PPHLN1: variants seen among roughly 807,000 people sequenced by gnomAD.
PPHLN1 encodes periphilin-1.
Under a neutral mutation model 51.3 loss-of-function variants are expected in PPHLN1, and 29 were observed. That is an observed-to-expected ratio of 0.57 (90% CI 0.42 to 0.77). PPHLN1 has a LOEUF of 0.77. Ranked by LOEUF, PPHLN1 falls within the 30% of genes least tolerant of loss-of-function variation. The pLI is 0.00. For synonymous variants in PPHLN1, 147 were observed against 147.8 expected (o/e 0.99, Z 0.04); for missense variants, 436 against 438.4 (o/e 0.99, Z 0.05).
intron 9 of PPHLN1, among the ~76,000 whole-genome samples, chr12:42,425,005 A>AT (rs1305918170): frequency 1.3e-5 from 2 of 150,908 alleles, no homozygotes; most frequent in South Asian, 2.1e-4. Context: ...CCAATATAGA[A>AT]TTTTTTCCTC....
intron 5 of PPHLN1, among the ~76,000 whole-genome samples, chr12:42,377,026 C>T (rs190488888): frequency 3.3e-5 from 5 of 152,134 alleles, no homozygotes; most frequent in Admixed American, 6.5e-5. Flanking sequence ...TCCTGCAGGC[C>T]GCGTGCAGCC....
intron 9 of PPHLN1, among the ~76,000 whole-genome samples, chr12:42,419,525 C>T (rs1040051000): frequency 1.3e-5 from 2 of 152,162 alleles, no homozygotes; most frequent in Non-Finnish European, 2.9e-5. Context: ...TGAGCCACCA[C>T]GCCTGGCCTT....
At chr12:42,351,181 C>T (rs149163401) in intron 2 of PPHLN1, among the ~76,000 whole-genome samples, 5 of 152,056 alleles carry the variant, frequency 3.3e-5, no homozygotes, top group Admixed American at 3.3e-4. Context: ...TTCTGTAGCT[C>T]TCTACTTCTT....
chr12:42,357,466 G>A (rs2074171777), intron 4 of PPHLN1, among the ~76,000 whole-genome samples: 1 of 152,140 alleles, frequency 6.6e-6, no homozygotes, highest in South Asian at 2.1e-4. Context: ...GATATATCTG[G>A]AGTTTGGGGT....
At chr12:42,429,056 C>T (rs1210591106) in intron 9 of PPHLN1, among the ~76,000 whole-genome samples, 1 of 151,950 alleles carries the variant, frequency 6.6e-6, no homozygotes, top group Non-Finnish European at 1.5e-5. Context: ...AATATTTGTA[C>T]CCATTTTCTC....
chr12:42,334,248 A>G (rs1289589367), intron 1 of PPHLN1, among the ~76,000 whole-genome samples: 2 of 152,166 alleles, frequency 1.3e-5, no homozygotes, highest in African/African-American at 4.8e-5. Flanking sequence ...GTAGACAGAG[A>G]ATTCAGTTTT....
chr12:42,343,143 A>G (rs904846558), intron 2 of PPHLN1, among the ~76,000 whole-genome samples: 1 of 152,222 alleles, frequency 6.6e-6, no homozygotes, highest in Non-Finnish European at 1.5e-5. Flanking sequence ...TTAGTAATTC[A>G]GTTATATACA....
chr12:42,399,791 C>G (rs944239226), intron 9 of PPHLN1: 1 of 151,982 alleles, frequency 6.6e-6, no homozygotes, highest in Non-Finnish European at 1.5e-5. Context: ...AGATAAGAAC[C>G]AGAATAGGAA....
intron 4 of PPHLN1, among the ~76,000 whole-genome samples, chr12:42,357,340 A>AT (rs1468372016): frequency 7.9e-5 from 12 of 152,214 alleles, no homozygotes; most frequent in African/African-American, 2.9e-4. Flanking sequence ...TGCCTTGAAA[A>AT]AGATGTGAAG....
chr12:42,380,989 A>C (rs1672345062), intron 5 of PPHLN1, among the ~76,000 whole-genome samples: 1 of 152,208 alleles, frequency 6.6e-6, no homozygotes, highest in South Asian at 2.1e-4. Flanking sequence ...ACAAGTAATT[A>C]AATAGGAATA....
chr12:42,340,681 G>A (rs145005047), intron 2 of PPHLN1, among the ~76,000 whole-genome samples: 3 of 152,282 alleles, frequency 2.0e-5, no homozygotes, highest in African/African-American at 7.2e-5. Context: ...CTGGGAGACC[G>A]CACAATGAAC....
chr12:42,347,660 ATCCCAACTAC>A (rs955986931), intron 2 of PPHLN1, among the ~76,000 whole-genome samples: 88 of 152,094 alleles, frequency 5.8e-4, no homozygotes, highest in Non-Finnish European at 1.5e-4. Flanking sequence ...TGCACCTGTA[ATCCCAACTAC>A]TCGGGAGGCT....
intron 5 of PPHLN1, among the ~76,000 whole-genome samples, chr12:42,376,574 C>T (rs2138811341): frequency 6.6e-6 from 1 of 152,236 alleles, no homozygotes; most frequent in East Asian, 1.9e-4. Context: ...ATTACTCGAG[C>T]CCAGGAGTTT....
At chr12:42,400,451 G>C (rs1350586341) in intron 9 of PPHLN1, 1 of 137,662 alleles carries the variant, frequency 7.3e-6, no homozygotes, top group Non-Finnish European at 1.5e-5. Context: ...CTGGGCGACA[G>C]AGCGAGACTC....
chr12:42,374,844 GTTT>G lies in PPHLN1; in HGVS notation c.300-8_300-6del, dbSNP rs199720292. The G allele has an allele frequency of 3.8e-6, 5 of 1,319,506 alleles. No individual in the cohort carries two copies. Among genetic ancestry groups the G allele is most frequent in the East Asian group, 2.5e-5 (1 of 40,506 alleles). 81.7% of individuals were successfully genotyped at this position (1,319,506 alleles called of 1,614,324 possible). ...ATAGAGTATAATTAACTTATTTTAT[GTTT>G]TTTTTTTTTTCAAAGGGACATGAGA... On this transcript the variant is annotated splice_polypyrimidine_tract_variant and intron_variant, in intron 4 of 9. Coordinates refer to ENST00000358314, the MANE Select transcript of PPHLN1 (RefSeq NM_201439.2).
intron 9 of PPHLN1, chr12:42,433,244 A>T: frequency 2.8e-6 from 2 of 726,438 alleles, no homozygotes; most frequent in South Asian, 2.8e-5. Flanking sequence ...CCTCTACTTC[A>T]TCTCCTTCAC....
At chr12:42,417,919 AGTTTTTTTTTTT>A (rs1249296883) in intron 9 of PPHLN1, among the ~76,000 whole-genome samples, 9 of 94,570 alleles carry the variant, frequency 9.5e-5, no homozygotes, top group Non-Finnish European at 1.5e-4. Context: ...AAAAAGCCCT[AGTTTTTTTTTTT>A]GTTTTTTTTT....
Position 42,366,266 on chromosome 12 carries a change from C to T in PPHLN1, c.300-8597C>T, listed in dbSNP as rs573584302. 7.0e-3 allele frequency among the ~76,000 whole-genome samples: 904 copies of T among 128,612 alleles called. 6 individuals are homozygous for T. The highest frequency in any genetic ancestry group is 0.01 in the Non-Finnish European group (661 of 64,574). The allele number at this position is 128,612 out of a possible 152,430, so 84.4% of individuals were successfully genotyped here. ...TTTTTGAGACAGAGTCTCACTCTGT[C>T]GCCCAGGCTGGAGTGCAGTGGTGCG... On this transcript the variant is annotated intron_variant, in intron 4 of 9. Transcript: ENST00000358314.
At chr12:42,391,509 G>T (rs1010303280) in intron 7 of PPHLN1, among the ~76,000 whole-genome samples, 2 of 152,108 alleles carry the variant, frequency 1.3e-5, no homozygotes, top group African/African-American at 4.8e-5. Context: ...CTCCCAAAGT[G>T]CTGGGATTAC....
Sources: allele counts gnomAD v4.1 joint callset (sites outside exome capture counted in the v4.1 genomes callset), GRCh38; gene constraint gnomAD v4.1.1; transcripts MANE v1.5; gene names NCBI Gene and HGNC (gene_info 2026-07-23, HGNC 2026-07-21).